DDX59: variants seen among roughly 807,000 people sequenced by gnomAD.
DDX59 encodes the protein DEAD-box helicase 59.
A neutral mutation model predicts 51.9 loss-of-function variants in DDX59; 30 were observed. That is an observed-to-expected ratio of 0.58 (90% CI 0.43 to 0.78). The LOEUF (loss-of-function observed/expected upper bound fraction) is 0.78. Ranked by LOEUF, DDX59 falls within the 30% of genes least tolerant of loss-of-function variation. The probability of loss-of-function intolerance (pLI) is 0.00; values close to 1 mark genes in which losing one functional copy is unlikely to be tolerated. For missense variants in DDX59, 672 were observed against 730.8 expected, an observed-to-expected ratio of 0.92 and a Z score of 0.93; for synonymous variants, 255 against 253.3, an observed-to-expected ratio of 1.01 and a Z score of -0.06.
chr1:200,643,917 TGG>T, downstream of DDX59: 1 of 180,404 alleles, frequency 5.5e-6, no homozygotes, highest in Non-Finnish European at 1.1e-5. Context: ...AATGTGCTTG[TGG>T]AACTGTGGGG....
At chr1:200,642,436 AAAG>A (rs1661076221), downstream of DDX59, among the ~76,000 whole-genome samples, 3 of 152,206 alleles carry the variant, frequency 2.0e-5, no homozygotes, top group Non-Finnish European at 4.4e-5. Flanking sequence ...AGCTTTTTAA[AAAG>A]AAGATCTTTA....
rs1571668159 is a variant in DDX59, at chr1:200,669,854, G to T, written c.-99C>A. On this transcript the variant is annotated 5_prime_UTR_variant, in exon 1 of 8. Transcript: ENST00000331314. ...TCCAGGCCAGGCTTCCGCCCGACAA[G>T]CCCTGACCCGCTCGTCAGGACTGCG... 2.6e-5 allele frequency: 4 copies of T among 152,684 alleles called. No individual in the cohort carries two copies. Among genetic ancestry groups the T allele is most frequent in the Admixed American group, 1.3e-4 (2 of 15,306 alleles). The allele number at this position is 152,684 out of a possible 1,614,324, so 9.5% of individuals were successfully genotyped here. A position where few individuals can be genotyped will look rare whatever the true frequency, so the allele number is the denominator to read the frequency against.
chr1:200,666,839 G>A, intron 1 of DDX59, 88 bp from the exon 2 acceptor site: 1 of 1,358,528 alleles, frequency 7.4e-7, no homozygotes, highest in East Asian at 2.4e-5. Flanking sequence ...AAGGTGCGGT[G>A]GCTCACCCCT....
rs910527034 is a variant in DDX59 at position 200,644,162 on chromosome 1, T to A, written c.*92A>T. ...TTATTAAATTAAAAATATCTTAAAA[T>A]TTTTAAAATTCATGTACATTTCCAT... On this transcript the variant is annotated 3_prime_UTR_variant, in exon 8 of 8. Transcript: ENST00000331314. 8.8e-6 allele frequency: 9 copies of A among 1,019,702 alleles called. No individual in the cohort carries two copies. Among genetic ancestry groups the A allele is most frequent in the African/African-American group, 6.7e-5 (4 of 59,810 alleles). 63.2% of individuals were successfully genotyped at this position (1,019,702 alleles called of 1,614,324 possible).
At chr1:200,645,347 C>T (rs927429118) in intron 7 of DDX59, among the ~76,000 whole-genome samples, 6 of 151,988 alleles carry the variant, frequency 3.9e-5, no homozygotes, top group Non-Finnish European at 8.8e-5. Flanking sequence ...GGTGCAATGT[C>T]GGCTCACTGC....
At chr1:200,643,281 T>G (rs1421877148), downstream of DDX59, among the ~76,000 whole-genome samples, 1 of 151,802 alleles carries the variant, frequency 6.6e-6, no homozygotes, top group East Asian at 1.9e-4. Context: ...GGTGAGATGC[T>G]ATCTCAAAAA....
chr1:200,658,988 G>T, intron 4 of DDX59, 39 bp downstream of exon 4: 1 of 1,487,956 alleles, frequency 6.7e-7, no homozygotes, highest in Non-Finnish European at 9.3e-7. Flanking sequence ...CATAAATTGT[G>T]TAAAATCATG....
chr1:200,649,040 T>C (rs202090004), intron 6 of DDX59, 34 bp downstream of exon 6: 64 of 1,506,966 alleles, frequency 4.2e-5, no homozygotes, highest in Non-Finnish European at 5.6e-5. Flanking sequence ...AACAGATTTA[T>C]AGAAAACAGA....
chr1:200,649,877 C>T (rs1661542716), intron 5 of DDX59, among the ~76,000 whole-genome samples: 1 of 148,302 alleles, frequency 6.7e-6, no homozygotes. Flanking sequence ...GAGTCTCGCT[C>T]TGTCACCCAG....
chr1:200,654,274 A>G (rs1219302088), intron 4 of DDX59, among the ~76,000 whole-genome samples: 2 of 151,998 alleles, frequency 1.3e-5, no homozygotes, highest in Non-Finnish European at 2.9e-5. Flanking sequence ...TTAGCCAGGC[A>G]TGGTGGTGGG....
intron 7 of DDX59, 117 bp downstream of exon 7, chr1:200,648,322 C>T (rs1372035565): frequency 7.3e-7 from 1 of 1,375,620 alleles, no homozygotes; most frequent in Admixed American, 2.1e-5. Context: ...GCTGGGATTA[C>T]AGGTGTGAGC....
chr1:200,656,273 T>A (rs1293501657), intron 4 of DDX59, among the ~76,000 whole-genome samples: 1 of 152,192 alleles, frequency 6.6e-6, no homozygotes, highest in African/African-American at 2.4e-5. Context: ...ACCATCTACA[T>A]TGGCCCCCAA....
Position 200,666,731 on chromosome 1 carries a change from G to T in DDX59, c.10C>A (p.Pro4Thr). The part of the protein sequence containing the change: MFV[P>T]RSLKIKRNAN... ...TTCCTCTTGATTTTTAGAGATCTTG[G>T]AACAAACATCCTTCAATATTCTGTT... The change falls in exon 2 of 8, where the codon CCA becomes ACA. Residue 4 changes from proline to threonine, a missense_variant. Physicochemically the swap from Pro to Thr is conservative, Grantham distance 38. Transcript: ENST00000331314. The T allele has an allele frequency of 6.2e-7, 1 of 1,609,704 alleles. No homozygotes were observed. The highest frequency in any genetic ancestry group is 1.1e-5 in the South Asian group (1 of 90,686).
In DDX59 at chr1:200,648,931, AC is replaced by A. The variant is rs1230686073; in HGVS notation, c.1467+142del. 7 of 855,154 alleles carry A rather than the reference AC, an allele frequency of 8.2e-6. No homozygotes were observed. In the African/African-American group the frequency reaches 1.2e-4, roughly 15 times the overall value. The allele number at this position is 855,154 out of a possible 1,614,324, so 53.0% of individuals were successfully genotyped here. On this transcript the variant is annotated intron_variant, in intron 6 of 7. Transcript: ENST00000331314. ...AAAAAGCCTGAGCAAGAGAACATTA[AC>A]TTCATGGTAACCGCTTGTTTGATGG...
rs2102826864 is a variant in DDX59, at chr1:200,644,355, T to C, written c.1759A>G (p.Lys587Glu). 6.2e-7 allele frequency: 1 copy of C among 1,614,010 alleles called. No individual in the cohort carries two copies. Among genetic ancestry groups the C allele is most frequent in the South Asian group, 1.1e-5 (1 of 91,058 alleles). The change falls in exon 8 of 8, where the codon AAG becomes GAG. Residue 587 changes from lysine to glutamate, a missense_variant. Lys to Glu is a moderately conservative substitution (Grantham distance 56). Transcript: ENST00000331314. ...GTCTGTTTATCTTTCTGTTGTTCCTTTCTCTTCTGGTCATGAAGGTATGGG... is the reference window on the plus strand; with the variant it reads ...GTCTGTTTATCTTTCTGTTGTTCCTCTCTCTTCTGGTCATGAAGGTATGGG... ...NSPYLHDQKR[K>E]EQQKDKQTQN...
chr1:200,667,689 A>C (rs1034229298), intron 1 of DDX59, among the ~76,000 whole-genome samples: 7 of 152,246 alleles, frequency 4.6e-5, no homozygotes, highest in Non-Finnish European at 1.0e-4. Flanking sequence ...CTTTAAAATC[A>C]AAGCCACAAA....
intron 3 of DDX59, 106 bp downstream of exon 3, chr1:200,663,813 G>T: frequency 2.6e-6 from 3 of 1,140,064 alleles, no homozygotes; most frequent in Non-Finnish European, 3.5e-6. Context: ...GAATTTAAAG[G>T]CTCTCTAAAA....
rs1571668159 is a variant in DDX59, at chr1:200,669,854, G to A, written c.-99C>T. 1 of 152,684 alleles carries A rather than the reference G, an allele frequency of 6.5e-6. No homozygotes were observed. Among genetic ancestry groups the A allele is most frequent in the African/African-American group, 2.4e-5 (1 of 41,560 alleles). The allele number at this position is 152,684 out of a possible 1,614,324, so 9.5% of individuals were successfully genotyped here. A position where few individuals can be genotyped will look rare whatever the true frequency, so the allele number is the denominator to read the frequency against. On this transcript the variant is annotated 5_prime_UTR_variant, in exon 1 of 8. Coordinates refer to ENST00000331314, the MANE Select transcript of DDX59 (RefSeq NM_001031725.6). ...TCCAGGCCAGGCTTCCGCCCGACAA[G>A]CCCTGACCCGCTCGTCAGGACTGCG...
rs1661598550 is a variant in DDX59, at chr1:200,650,619, T to C, written c.1120A>G (p.Ile374Val). 6.2e-7 allele frequency: 1 copy of C among 1,614,038 alleles called. No individual in the cohort carries two copies. The highest frequency in any genetic ancestry group is 8.5e-7 in the Non-Finnish European group (1 of 1,179,916). The change falls in exon 5 of 8, where the codon ATT (isoleucine) becomes GTT (valine). Residue 374 changes from isoleucine to valine, a missense_variant. Transcript: ENST00000331314. ...AAAATGGTCTGACAATCATTAGGAA[T>C]GTTTTCCAAAATGTCAAGCACTTGT... ...QQQVLDILEN[I>V]PNDCQTILVS...
Sources: gnomAD v4.1 joint callset for allele counts (sites outside exome capture counted in the v4.1 genomes callset) on GRCh38, gnomAD v4.1.1 for gene constraint, MANE v1.5 for transcripts, NCBI Gene and HGNC (gene_info 2026-07-23, HGNC 2026-07-21) for gene names.